DNAI7: variants seen among roughly 807,000 people sequenced by gnomAD.
The protein encoded by DNAI7 is cancer susceptibility 1.
DNAI7 carries 78 observed loss-of-function variants against 86.6 expected under a neutral mutation model. The ratio of observed to expected loss-of-function variants is 0.90; its 90% confidence interval spans 0.75 to 1.09. The LOEUF (loss-of-function observed/expected upper bound fraction) is 1.09, where lower values mean the gene tolerates loss of function less well. Among genes scored for constraint, DNAI7 ranks in the 50% least tolerant of loss-of-function variants. The pLI is 0.00. For missense variants in DNAI7, 753 were observed against 810.2 expected (o/e 0.93, Z 0.86); for synonymous variants, 274 against 273.0 (o/e 1.00, Z -0.04).
chr12:25,129,677 A>G (rs184353505), intron 9 of DNAI7, among the ~76,000 whole-genome samples: 36 of 152,246 alleles, frequency 2.4e-4, no homozygotes, highest in Admixed American at 1.5e-3. Flanking sequence ...TCCATGCTAC[A>G]CCAAAAGATT....
chr12:25,110,718 G>T (rs781432789), intron 14 of DNAI7, among the ~76,000 whole-genome samples: 9 of 152,166 alleles, frequency 5.9e-5, no homozygotes, highest in Non-Finnish European at 8.8e-5. Context: ...TTTAATATGG[G>T]TGTCATATGG....
At chr12:25,120,143 G>A (rs1481423231) in intron 11 of DNAI7, among the ~76,000 whole-genome samples, 1 of 152,052 alleles carries the variant, frequency 6.6e-6, no homozygotes, top group Non-Finnish European at 1.5e-5. Flanking sequence ...AATTTTGTTG[G>A]AGTGGCAGGT....
intron 9 of DNAI7, among the ~76,000 whole-genome samples, chr12:25,129,395 G>A (rs1942569813): frequency 6.6e-6 from 1 of 152,166 alleles, no homozygotes; most frequent in Non-Finnish European, 1.5e-5. Context: ...CATAGAGGTA[G>A]GCGTATGATA....
chr12:25,129,255 G>A (rs1227035223), intron 9 of DNAI7, among the ~76,000 whole-genome samples: 1 of 152,106 alleles, frequency 6.6e-6, no homozygotes, highest in Non-Finnish European at 1.5e-5. Context: ...GTGCATGAAT[G>A]ATTACTATAT....
downstream of DNAI7, chr12:25,107,952 G>T: frequency 6.2e-7 from 1 of 1,614,166 alleles, no homozygotes; most frequent in Non-Finnish European, 8.5e-7. Context: ...AATTATTCCA[G>T]AAGTCTGTGG....
chr12:25,166,617 CGT>C (rs1177234967), intron 2 of DNAI7, among the ~76,000 whole-genome samples: 1 of 152,138 alleles, frequency 6.6e-6, no homozygotes, highest in Non-Finnish European at 1.5e-5. Context: ...CCCTGCTGAT[CGT>C]GTCCGGCTAA....
At chr12:25,143,246 ATTTTT>A (rs56888487) in intron 9 of DNAI7, among the ~76,000 whole-genome samples, 11 of 129,846 alleles carry the variant, frequency 8.5e-5, no homozygotes, top group Admixed American at 2.3e-4. Flanking sequence ...AGTCTTCATA[ATTTTT>A]TTTTTTTTTT....
At position 25,136,853 on chromosome 12, in the gene DNAI7, C is replaced by T. The variant is rs185141587; in HGVS notation, c.1002+7512G>A. On this transcript the variant is annotated intron_variant, in intron 9 of 15. Transcript: ENST00000395987. Reference sequence around the variant, plus strand: ...ACAAGGCTTTTGAATTAACCCAACCCAACAAAGAAAAAGAAAAAAGAATTT... The same window carrying T: ...ACAAGGCTTTTGAATTAACCCAACCTAACAAAGAAAAAGAAAAAAGAATTT... Among the ~76,000 whole-genome samples, 3 of 152,024 alleles carry T rather than the reference C, an allele frequency of 2.0e-5. No individual in the cohort carries two copies. In the East Asian group the frequency reaches 5.8e-4, roughly 29 times the overall value.
intron 11 of DNAI7, 82 bp downstream of exon 11, chr12:25,121,671 A>G (rs76991545): frequency 2.2e-5 from 25 of 1,134,770 alleles, no homozygotes; most frequent in Middle Eastern, 4.1e-4. Context: ...GTTAAAGCTT[A>G]TTAGATGTTA....
intron 9 of DNAI7, among the ~76,000 whole-genome samples, chr12:25,124,032 T>TGTGTGTGTGTGTGTGTGTG (rs1941711928): frequency 6.9e-6 from 1 of 144,574 alleles, no homozygotes. Context: ...AGTATAAAAA[T>TGTGTGTGTGTGTGTGTGTG]TGTGTGTGTG....
At chr12:25,142,590 C>T (rs536568633) in intron 9 of DNAI7, among the ~76,000 whole-genome samples, 1 of 152,102 alleles carries the variant, frequency 6.6e-6, no homozygotes, top group African/African-American at 2.4e-5. Flanking sequence ...GAAAAAAATG[C>T]TTTAGCCATG....
At chr12:25,177,175 T>A (rs554625923) in intron 2 of DNAI7, among the ~76,000 whole-genome samples, 1 of 152,276 alleles carries the variant, frequency 6.6e-6, no homozygotes, top group South Asian at 2.1e-4. Flanking sequence ...AGTTCTGGGA[T>A]TACAGGTGTG....
chr12:25,123,575 ATAT>A (rs1302729632), intron 9 of DNAI7, among the ~76,000 whole-genome samples: 1 of 152,224 alleles, frequency 6.6e-6, no homozygotes, highest in Non-Finnish European at 1.5e-5. Flanking sequence ...GCTATAAAAA[ATAT>A]TATTTATATT....
chr12:25,185,397 A>T (rs1949937583), intron 2 of DNAI7, among the ~76,000 whole-genome samples: 1 of 152,200 alleles, frequency 6.6e-6, no homozygotes, highest in African/African-American at 2.4e-5. Flanking sequence ...ATTTCTGATA[A>T]TTTTTTTATC....
intron 9 of DNAI7, among the ~76,000 whole-genome samples, chr12:25,125,879 ATTGT>A (rs1313809845): frequency 6.6e-6 from 1 of 151,952 alleles, no homozygotes; most frequent in Non-Finnish European, 1.5e-5. Flanking sequence ...TCTTTTCCCC[ATTGT>A]TTGTTTTTGT....
intron 6 of DNAI7, among the ~76,000 whole-genome samples, chr12:25,153,776 A>G (rs1271751206): frequency 1.3e-5 from 2 of 152,142 alleles, no homozygotes; most frequent in Non-Finnish European, 2.9e-5. Context: ...TTTTTGATTA[A>G]AGCAATGAAT....
Position 25,154,306 on chromosome 12 carries a change from C to T in DNAI7, c.438+13G>A, listed in dbSNP as rs1945898967. On this transcript the variant is annotated intron_variant, in intron 6 of 15. Transcript: ENST00000395987. The stretch of plus-strand genomic sequence containing the variant: ...GTAATAGCCAGTTTATAGGAAAATG[C>T]ATAAATACCTACATTTAGCACTACT... 1 of 1,579,150 alleles carries T rather than the reference C, an allele frequency of 6.3e-7. No homozygotes were observed. The highest frequency in any genetic ancestry group is 1.4e-5 in the African/African-American group (1 of 72,756).
chr12:25,195,064 T>G lies in DNAI7; in HGVS notation c.3+12A>C. ...CGCCCCTCCACCTGTCTGCCTCATT[T>G]GCCTTGCTCACCATTAAGAGTCAAG... On this transcript the variant is annotated intron_variant, in intron 1 of 15. Transcript: ENST00000395987. 1 of 1,614,236 alleles carries G rather than the reference T, an allele frequency of 6.2e-7. No individual in the cohort carries two copies. Among genetic ancestry groups the G allele is most frequent in the East Asian group, 2.2e-5 (1 of 44,896 alleles).
intron 14 of DNAI7, 133 bp downstream of exon 14, chr12:25,111,639 C>T (rs1938839618): frequency 5.2e-6 from 2 of 385,364 alleles, no homozygotes; most frequent in African/African-American, 2.2e-5. Flanking sequence ...CTGGTCTTTT[C>T]ACTTATTTCT....
Sources: allele counts gnomAD v4.1 joint callset (sites outside exome capture counted in the v4.1 genomes callset), GRCh38; gene constraint gnomAD v4.1.1; transcripts MANE v1.5; gene names NCBI Gene and HGNC (gene_info 2026-07-23, HGNC 2026-07-21).